The following RHOU variants were observed in gnomAD, a reference collection of about 807,000 sequenced individuals.
RHOU encodes the protein ras homolog family member U, also known as rho-related GTP-binding protein RhoU.
Under a neutral mutation model 12.6 loss-of-function variants are expected in RHOU, and 8 were observed. The ratio of observed to expected loss-of-function variants is 0.64; its 90% confidence interval spans 0.37 to 1.15. The LOEUF (loss-of-function observed/expected upper bound fraction) is 1.15. Among genes scored for constraint, RHOU ranks in the 50% most tolerant of loss-of-function variants. RHOU has a pLI of 0.01. For missense variants in RHOU, 258 were observed against 347.0 expected, an observed-to-expected ratio of 0.74 and a Z score of 2.04; for synonymous variants, 161 against 147.4, an observed-to-expected ratio of 1.09 and a Z score of -0.67.
intron 2 of RHOU, among the ~76,000 whole-genome samples, chr1:228,740,971 A>T (rs1365431641): frequency 2.0e-5 from 3 of 152,176 alleles, no homozygotes; most frequent in Admixed American, 2.0e-4. Context: ...TTGAAAAAAC[A>T]TACCTTTGGC....
At chr1:228,707,502 T>TGACCCCC in the RHOU span, among the ~76,000 whole-genome samples, 1 of 151,538 alleles carries the variant, frequency 6.6e-6, no homozygotes, top group East Asian at 1.9e-4. Context: ...CCCTGACCCC[T>TGACCCCC]GACCCCCGAG....
chr1:228,670,460 T>G, the RHOU span, among the ~76,000 whole-genome samples: 4,413 of 152,152 alleles, frequency 0.029, 197 homozygotes, highest in African/African-American at 0.093. Flanking sequence ...CAATGGAAAA[T>G]AAAACTGAAG....
chr1:228,677,140 G>A, the RHOU span, among the ~76,000 whole-genome samples: 146 of 152,216 alleles, frequency 9.6e-4, no homozygotes, highest in Non-Finnish European at 1.7e-3. Context: ...GGAACCTACA[G>A]TGGGAGAGAC....
chr1:228,657,279 C>CAAAAAAAAAAAAAAAAAAAAAAAGAAA, the RHOU span, among the ~76,000 whole-genome samples: 2 of 28,032 alleles, frequency 7.1e-5, no homozygotes, highest in East Asian at 1.2e-3. Context: ...AACTCCATCT[C>CAAAAAAAAAAAAAAAAAAAAAAAGAAA]AAAAAAAAAA....
At chr1:228,703,717 G>T in the RHOU span, among the ~76,000 whole-genome samples, 7 of 152,248 alleles carry the variant, frequency 4.6e-5, no homozygotes, top group Admixed American at 1.3e-4. Flanking sequence ...AGCATGGATA[G>T]CTTTGAAAAA....
the RHOU span, among the ~76,000 whole-genome samples, chr1:228,648,223 C>T: frequency 6.6e-6 from 1 of 152,254 alleles, no homozygotes; most frequent in African/African-American, 2.4e-5. Context: ...TTCTGTTGGC[C>T]TCTTAGAGCC....
intron 1 of RHOU, among the ~76,000 whole-genome samples, chr1:228,736,288 AT>A (rs1333445093): frequency 6.6e-6 from 1 of 151,064 alleles, no homozygotes; most frequent in East Asian, 1.9e-4. Flanking sequence ...AAATCTCACA[AT>A]TTAAGCAACA....
At chr1:228,720,910 A>T in the RHOU span, among the ~76,000 whole-genome samples, 1 of 152,166 alleles carries the variant, frequency 6.6e-6, no homozygotes, top group Non-Finnish European at 1.5e-5. Flanking sequence ...AATATTAACC[A>T]GCGCTTTCCC....
At chr1:228,692,812 C>T in the RHOU span, among the ~76,000 whole-genome samples, 1 of 151,722 alleles carries the variant, frequency 6.6e-6, no homozygotes, top group Non-Finnish European at 1.5e-5. Context: ...CATTAAAAAT[C>T]AAAACTTCAA....
Position 228,746,614 on chromosome 1 carries a change from A to C in RHOU, c.*2874A>C, listed in dbSNP as rs1445341951. Reference sequence around the variant, plus strand: ...TAAATGATGTTGAGCAGAATGTTGTACTTGAAAATGCTATAAGTGAGATGG... The same window carrying C: ...TAAATGATGTTGAGCAGAATGTTGTCCTTGAAAATGCTATAAGTGAGATGG... On this transcript the variant is annotated 3_prime_UTR_variant, in exon 3 of 3. Transcript: ENST00000366691. 1.3e-5 allele frequency: 2 copies of C among 152,210 alleles called. No homozygotes were observed. The highest frequency in any genetic ancestry group is 4.8e-5 in the African/African-American group (2 of 41,458). The allele number at this position is 152,210 out of a possible 1,614,324, so 9.4% of individuals were successfully genotyped here.
chr1:228,672,343 A>T, the RHOU span, among the ~76,000 whole-genome samples: 2 of 152,068 alleles, frequency 1.3e-5, no homozygotes, highest in Non-Finnish European at 2.9e-5. Context: ...TTGTATTTTT[A>T]GTAGAATTGT....
chr1:228,671,081 T>G, the RHOU span, among the ~76,000 whole-genome samples: 1 of 152,192 alleles, frequency 6.6e-6, no homozygotes, highest in African/African-American at 2.4e-5. Flanking sequence ...CTTGGCTCAC[T>G]GCAACCTCCA....
chr1:228,735,682 C>A lies in RHOU; in HGVS notation c.-61C>A. On this transcript the variant is annotated 5_prime_UTR_variant, in exon 1 of 3. Transcript: ENST00000366691. This position sits in a 1 kb window ranked among gnomAD's most constrained non-coding sequence, Gnocchi z 8.1. Reference sequence around the variant, plus strand: ...TCCTCCCTACCGCAACCCTCCGGGGCGGAGGGGCGGTCGGGCCGGGCCCTG... The same window carrying A: ...TCCTCCCTACCGCAACCCTCCGGGGAGGAGGGGCGGTCGGGCCGGGCCCTG... 4 of 1,166,424 alleles carry A rather than the reference C, an allele frequency of 3.4e-6. No homozygotes were observed. The highest frequency in any genetic ancestry group is 4.2e-6 in the Non-Finnish European group (4 of 943,324). The allele number at this position is 1,166,424 out of a possible 1,614,324, so 72.3% of individuals were successfully genotyped here.
At chr1:228,734,216 A>C (rs1571886899), upstream of RHOU, among the ~76,000 whole-genome samples, 2 of 152,244 alleles carry the variant, frequency 1.3e-5, no homozygotes, top group Non-Finnish European at 2.9e-5. Context: ...AATTTACAGA[A>C]ACATATTACC....
chr1:228,688,242 C>T, the RHOU span, among the ~76,000 whole-genome samples: 1 of 152,206 alleles, frequency 6.6e-6, no homozygotes, highest in African/African-American at 2.4e-5. Flanking sequence ...ATGCCTCCCA[C>T]TGCCTTTTGA....
the RHOU span, among the ~76,000 whole-genome samples, chr1:228,711,518 A>T: frequency 3.3e-5 from 5 of 152,104 alleles, no homozygotes; most frequent in Non-Finnish European, 7.4e-5. Context: ...ATCTACAACT[A>T]TCTGATCTGT....
At chr1:228,696,250 C>T in the RHOU span, among the ~76,000 whole-genome samples, 28 of 149,330 alleles carry the variant, frequency 1.9e-4, no homozygotes, top group African/African-American at 6.6e-4. Context: ...AAAAACAAAA[C>T]GAAGTCCCTT....
rs1051438301 is a variant in RHOU at position 228,738,284 on chromosome 1, G to A, written c.321+553G>A. ...CCTAAGCTGGAGGGATGAACTAACT[G>A]GGCTTATTCTATCCAAACTGTGAAC... On this transcript the variant is annotated intron_variant, in intron 2 of 2. Coordinates refer to ENST00000366691, the MANE Select transcript of RHOU (RefSeq NM_021205.6). This position sits in a 1 kb window ranked among gnomAD's most constrained non-coding sequence, Gnocchi z 4.2. Among the ~76,000 whole-genome samples, 1 of 152,164 alleles carries A rather than the reference G, an allele frequency of 6.6e-6. No individual in the cohort carries two copies. The highest frequency in any genetic ancestry group is 6.5e-5 in the Admixed American group (1 of 15,280).
the RHOU span, among the ~76,000 whole-genome samples, chr1:228,659,963 A>C: frequency 8.2e-5 from 9 of 109,512 alleles, no homozygotes; most frequent in African/African-American, 2.2e-4. Flanking sequence ...TACAAAAAAA[A>C]AACAAAAAAA....
Sources: gnomAD v4.1 joint callset for allele counts (sites outside exome capture counted in the v4.1 genomes callset) on GRCh38, gnomAD v4.1.1 for gene constraint, Gnocchi (gnomAD v3.1) non-coding constraint, MANE v1.5 for transcripts, NCBI Gene and HGNC (gene_info 2026-07-23, HGNC 2026-07-21) for gene names.